The following ASIC2 variants were observed in gnomAD, a reference collection of about 807,000 sequenced individuals.
ASIC2 encodes the protein acid-sensing ion channel 2.
A neutral mutation model predicts 57.3 loss-of-function variants in ASIC2; 25 were observed. That is an observed-to-expected ratio of 0.44 (90% CI 0.32 to 0.61). ASIC2 has a LOEUF of 0.61. Ranked by LOEUF, ASIC2 falls within the 20% of genes least tolerant of loss-of-function variation. The pLI is 0.06. For synonymous variants in ASIC2, 319 were observed against 307.5 expected, an observed-to-expected ratio of 1.04 and a Z score of -0.39; for missense variants, 641 against 738.1, an observed-to-expected ratio of 0.87 and a Z score of 1.52.
intron 1 of ASIC2, among the ~76,000 whole-genome samples, chr17:33,469,878 G>T: frequency 6.6e-6 from 1 of 152,174 alleles, no homozygotes; most frequent in East Asian, 1.9e-4. Flanking sequence ...AGCAGCTAAG[G>T]TATTGTGGAC....
intron 1 of ASIC2, among the ~76,000 whole-genome samples, chr17:33,360,762 TAGA>T (rs1173142690): frequency 6.6e-6 from 1 of 152,234 alleles, no homozygotes; most frequent in Non-Finnish European, 1.5e-5. Context: ...GCCTCCCATA[TAGA>T]AGATCTATGG....
At chr17:34,063,155 A>G (rs985854126) in intron 1 of ASIC2, among the ~76,000 whole-genome samples, 1 of 152,208 alleles carries the variant, frequency 6.6e-6, no homozygotes, top group Non-Finnish European at 1.5e-5. Flanking sequence ...ACAACATACC[A>G]AAAAGAGAAT....
intron 1 of ASIC2, among the ~76,000 whole-genome samples, chr17:33,602,518 G>C (rs1456902768): frequency 2.6e-5 from 4 of 152,152 alleles, no homozygotes; most frequent in Admixed American, 2.6e-4. Context: ...GGACTTTCCA[G>C]CTTCTGGAAC....
intron 6 of ASIC2, among the ~76,000 whole-genome samples, chr17:33,023,491 A>G (rs1201504920): frequency 1.1e-5 from 1 of 93,284 alleles, no homozygotes; most frequent in Non-Finnish European, 2.3e-5. Flanking sequence ...CTCCATCTCA[A>G]AAAAAAAAAA....
At chr17:33,478,741 G>A (rs1158863357) in intron 1 of ASIC2, among the ~76,000 whole-genome samples, 2 of 152,162 alleles carry the variant, frequency 1.3e-5, no homozygotes, top group East Asian at 3.9e-4. Flanking sequence ...CTGAGGCCCA[G>A]CTAGGAGAAT....
chr17:34,099,197 A>G lies in ASIC2; in HGVS notation c.555+56781T>C, dbSNP rs1340848920. 2.9e-4 allele frequency among the ~76,000 whole-genome samples: 36 copies of G among 123,888 alleles called. 1 individual carries two copies. The highest frequency in any genetic ancestry group is 1.2e-3 in the African/African-American group (32 of 25,680). 81.3% of individuals were successfully genotyped at this position (123,888 alleles called of 152,430 possible). A position where few individuals can be genotyped will look rare whatever the true frequency, so the allele number is the denominator to read the frequency against. ...GAAAGAAAGAAAGAAAGAAAGAAAG[A>G]AAGAAAGAAAGAAAGGAAAGAAAAG... On this transcript the variant is annotated intron_variant, in intron 1 of 9. Transcript: ENST00000359872.
chr17:33,768,535 G>A (rs1911001977), intron 1 of ASIC2, among the ~76,000 whole-genome samples: 1 of 152,054 alleles, frequency 6.6e-6, no homozygotes, highest in Admixed American at 6.6e-5. Flanking sequence ...TTGGAAATTC[G>A]CTTTAACTCA....
intron 1 of ASIC2, among the ~76,000 whole-genome samples, chr17:33,300,035 A>T (rs1905886112): frequency 6.6e-6 from 1 of 152,182 alleles, no homozygotes; most frequent in East Asian, 1.9e-4. Flanking sequence ...TTTAAAAAGA[A>T]TCCATTTTGA....
chr17:33,299,788 C>T (rs953702556), intron 1 of ASIC2, among the ~76,000 whole-genome samples: 1 of 152,164 alleles, frequency 6.6e-6, no homozygotes, highest in African/African-American at 2.4e-5. Flanking sequence ...AGCTCATGCT[C>T]CACAGGGCTG....
At chr17:33,850,173 T>C (rs945737791) in intron 1 of ASIC2, among the ~76,000 whole-genome samples, 1 of 152,118 alleles carries the variant, frequency 6.6e-6, no homozygotes, top group Non-Finnish European at 1.5e-5. Flanking sequence ...TGGGGATCAG[T>C]TTTGAGGCCA....
rs1446978111 is a variant in ASIC2 at position 34,099,450 on chromosome 17, AAAGAAAAG to A, written c.555+56520_555+56527del. Among the ~76,000 whole-genome samples, 8 of 99,204 alleles carry A rather than the reference AAAGAAAAG, an allele frequency of 8.1e-5. No homozygotes were observed. The South Asian group carries it at 2.8e-3, about 34-fold the overall frequency. 65.1% of individuals were successfully genotyped at this position (99,204 alleles called of 152,430 possible). Reference sequence around the variant, plus strand: ...AAGAAAGAAGAAAAGAAAGAGAAAGAAAGAAAAGAAAGAAAGAGAGAGAAAGGAAGGAA... The same window carrying A: ...AAGAAAGAAGAAAAGAAAGAGAAAGAAAAGAAAGAGAGAGAAAGGAAGGAA... On this transcript the variant is annotated intron_variant, in intron 1 of 9. Coordinates refer to the ASIC2 transcript ENST00000359872.
intron 1 of ASIC2, among the ~76,000 whole-genome samples, chr17:33,142,838 C>T (rs1172695118): frequency 1.3e-5 from 2 of 152,148 alleles, no homozygotes; most frequent in African/African-American, 2.4e-5. Flanking sequence ...GTGGTGACCA[C>T]CCTCTATATG....
At chr17:33,913,485 T>C (rs1465046478) in intron 1 of ASIC2, among the ~76,000 whole-genome samples, 1 of 152,210 alleles carries the variant, frequency 6.6e-6, no homozygotes, top group African/African-American at 2.4e-5. Context: ...CATCAAAAGT[T>C]GCAAAGACCT....
At chr17:33,505,244 C>T (rs1457194953) in intron 1 of ASIC2, among the ~76,000 whole-genome samples, 1 of 151,912 alleles carries the variant, frequency 6.6e-6, no homozygotes, top group Non-Finnish European at 1.5e-5. Context: ...GAGTGAGACC[C>T]AATCAGTGAC....
intron 1 of ASIC2, among the ~76,000 whole-genome samples, chr17:33,709,514 C>G (rs1488281231): frequency 6.6e-6 from 1 of 152,178 alleles, no homozygotes; most frequent in Admixed American, 6.5e-5. Context: ...GACTGCAACC[C>G]AGAACAGGGC....
intron 1 of ASIC2, among the ~76,000 whole-genome samples, chr17:33,625,125 C>CTCTGTCTGTCTG (rs35947234): frequency 2.0e-4 from 29 of 144,362 alleles, no homozygotes; most frequent in African/African-American, 5.5e-4. Flanking sequence ...AATGTGGCCT[C>CTCTGTCTGTCTG]TCTGTCTATC....
chr17:33,144,169 CG>C (rs1298702881), intron 1 of ASIC2, among the ~76,000 whole-genome samples: 2 of 149,722 alleles, frequency 1.3e-5, no homozygotes, highest in African/African-American at 2.5e-5. Flanking sequence ...AAAAAAAAAA[CG>C]AAAAACAAAA....
intron 1 of ASIC2, among the ~76,000 whole-genome samples, chr17:34,133,527 G>A (rs1912051928): frequency 6.6e-6 from 1 of 152,240 alleles, no homozygotes; most frequent in South Asian, 2.1e-4. Flanking sequence ...CCAGGAGGCT[G>A]ACATTCACAC....
At chr17:33,812,640 G>A (rs1912458812) in intron 1 of ASIC2, among the ~76,000 whole-genome samples, 1 of 152,134 alleles carries the variant, frequency 6.6e-6, no homozygotes, top group Admixed American at 6.5e-5. Context: ...TAAGACTTCT[G>A]GGGCTCTAGA....
Sources: gnomAD v4.1 joint callset for allele counts (sites outside exome capture counted in the v4.1 genomes callset) on GRCh38, gnomAD v4.1.1 for gene constraint, MANE v1.5 for transcripts, NCBI Gene and HGNC (gene_info 2026-07-23, HGNC 2026-07-21) for gene names.